Variants in GAS7 observed in about 807,000 individuals in gnomAD.
GAS7 encodes growth arrest-specific protein 7.
A neutral mutation model predicts 71.1 loss-of-function variants in GAS7; 28 were observed. The ratio of observed to expected loss-of-function variants is 0.39; its 90% CI spans 0.29 to 0.54. The LOEUF is 0.54. Among genes scored for constraint, GAS7 ranks in the 20% least tolerant of loss-of-function variants. GAS7 has a pLI of 0.62. For synonymous variants in GAS7, 258 were observed against 245.8 expected (o/e 1.05, Z -0.46); for missense variants, 436 against 627.8 (o/e 0.69, Z 3.27).
chr17:9,957,671 T>C (rs1264229780), intron 5 of GAS7, among the ~76,000 whole-genome samples: 2 of 150,984 alleles, frequency 1.3e-5, no homozygotes, highest in Admixed American at 1.3e-4. Context: ...TTGTGACAAT[T>C]TGAAGATGGG....
chr17:10,148,602 A>G (rs1448850636), intron 1 of GAS7, among the ~76,000 whole-genome samples: 1 of 143,952 alleles, frequency 6.9e-6, no homozygotes, highest in African/African-American at 2.6e-5. Context: ...TGGGCAACAG[A>G]GAAACACTCA....
intron 2 of GAS7, among the ~76,000 whole-genome samples, chr17:10,016,649 G>A (rs949038745): frequency 1.4e-5 from 2 of 147,074 alleles, no homozygotes; most frequent in Non-Finnish European, 3.0e-5. Flanking sequence ...CTGTTTTTAG[G>A]CATAGTGTAA....
chr17:10,175,596 TTTAG>T (rs3051291), intron 1 of GAS7, among the ~76,000 whole-genome samples: 47,167 of 151,392 alleles, frequency 0.31, 7,801 homozygotes, highest in East Asian at 0.49. Context: ...CCGCATTTTA[TTTAG>T]TTAGTTAGTT....
intron 2 of GAS7, among the ~76,000 whole-genome samples, chr17:9,986,888 G>C (rs2070670531): frequency 6.6e-6 from 1 of 152,164 alleles, no homozygotes; most frequent in Non-Finnish European, 1.5e-5. Context: ...TGCTGAGCCA[G>C]GCCAGGCCAG....
At chr17:9,960,588 C>A (rs1041732597) in intron 4 of GAS7, among the ~76,000 whole-genome samples, 1 of 152,170 alleles carries the variant, frequency 6.6e-6, no homozygotes, top group African/African-American at 2.4e-5. Flanking sequence ...AAGGAACCAC[C>A]GGCTTGGAGT....
chr17:9,957,320 T>C (rs560597429), intron 5 of GAS7, among the ~76,000 whole-genome samples: 1 of 152,272 alleles, frequency 6.6e-6, no homozygotes, highest in South Asian at 2.1e-4. Flanking sequence ...ATGATATGGC[T>C]CAGCAGGAAG....
intron 1 of GAS7, among the ~76,000 whole-genome samples, chr17:10,102,357 A>G (rs1433233188): frequency 6.6e-6 from 1 of 152,072 alleles, no homozygotes; most frequent in African/African-American, 2.4e-5. Flanking sequence ...AGAGTCTGGA[A>G]TTTTCAAGGA....
intron 1 of GAS7, among the ~76,000 whole-genome samples, chr17:10,024,807 C>T (rs1002649357): frequency 6.6e-6 from 1 of 152,194 alleles, no homozygotes; most frequent in East Asian, 1.9e-4. Flanking sequence ...TACACACACA[C>T]GCTATTTCAT....
rs1340388652 is a variant in GAS7, at chr17:9,969,782, G to T, written c.386-20C>A. ...CATTCACTGCAGGGACAGAGACACG[G>T]CTCAGATGCTGTGTGGGCCACAGAT... On this transcript the variant is annotated intron_variant, in intron 3 of 13. Transcript: ENST00000432992. The surrounding 1 kb of genome is among the most constrained non-coding windows in gnomAD (Gnocchi z 5.5). 17 of 1,525,432 alleles carry T rather than the reference G, an allele frequency of 1.1e-5. No individual in the cohort carries two copies. Among genetic ancestry groups the T allele is most frequent in the Non-Finnish European group, 1.5e-5 (16 of 1,099,346 alleles). The allele number at this position is 1,525,432 out of a possible 1,614,324, so 94.5% of individuals were successfully genotyped here. A position where few individuals can be genotyped will look rare whatever the true frequency, so the allele number is the denominator to read the frequency against.
At chr17:10,111,335 A>C (rs79953626) in intron 1 of GAS7, among the ~76,000 whole-genome samples, 150,561 of 150,588 alleles carry the variant, frequency 1, 75,267 homozygotes, top group Middle Eastern at 1. Flanking sequence ...AGATTGAGAC[A>C]ATGTTGGATA....
chr17:9,953,131 T>C (rs1189082911), intron 5 of GAS7, among the ~76,000 whole-genome samples: 1 of 149,648 alleles, frequency 6.7e-6, no homozygotes, highest in Non-Finnish European at 1.5e-5. Flanking sequence ...AAAGGAAACG[T>C]GGTACATATA....
chr17:10,089,998 C>T (rs372740034), intron 1 of GAS7, among the ~76,000 whole-genome samples: 2 of 152,070 alleles, frequency 1.3e-5, no homozygotes, highest in East Asian at 3.9e-4. Flanking sequence ...TGAAACCCTG[C>T]CTCTACTAAA....
chr17:9,948,962 A>G (rs1035569810), intron 5 of GAS7, among the ~76,000 whole-genome samples: 1 of 152,242 alleles, frequency 6.6e-6, no homozygotes, highest in Non-Finnish European at 1.5e-5. Context: ...AATGTCACAC[A>G]TTAAAAAATG....
rs73974349 is a variant in GAS7, at chr17:9,960,482, G to A, written c.472-1227C>T. On this transcript the variant is annotated intron_variant, in intron 4 of 13. Transcript: ENST00000432992. Reference sequence around the variant, plus strand: ...TGGGATTATAGGCATGAGCCACTGCGGCCAGTCTGGCCTTACTCTTCCTTG... The same window carrying A: ...TGGGATTATAGGCATGAGCCACTGCAGCCAGTCTGGCCTTACTCTTCCTTG... Among the ~76,000 whole-genome samples, 1,169 of 152,294 alleles carry A rather than the reference G, an allele frequency of 7.7e-3. 16 individuals are homozygous for A. The highest frequency in any genetic ancestry group is 0.026 in the African/African-American group (1,092 of 41,562).
At chr17:9,966,415 G>A (rs1039923488) in intron 4 of GAS7, among the ~76,000 whole-genome samples, 4 of 152,216 alleles carry the variant, frequency 2.6e-5, no homozygotes, top group South Asian at 2.1e-4. Context: ...TCTAGGTTTC[G>A]TCACTGTAAC....
intron 1 of GAS7, among the ~76,000 whole-genome samples, chr17:10,085,450 G>C (rs1290312896): frequency 1.3e-5 from 2 of 152,118 alleles, no homozygotes; most frequent in South Asian, 2.1e-4. Context: ...TTGGGAGGCC[G>C]AGGCGGGCGG....
intron 1 of GAS7, among the ~76,000 whole-genome samples, chr17:10,046,840 GGAAGGAAAGAAAAGAAAAGAA>G (rs2072975456): frequency 2.1e-5 from 2 of 94,670 alleles, no homozygotes; most frequent in African/African-American, 6.6e-5. Flanking sequence ...AAGGAAGGAA[GGAAGGAAAGAAAAGAAAAGAA>G]AAAAGAAAAG....
chr17:9,954,392 G>A (rs1232360914), intron 5 of GAS7, among the ~76,000 whole-genome samples: 1 of 152,014 alleles, frequency 6.6e-6, no homozygotes, highest in African/African-American at 2.4e-5. Context: ...TCTGGGGTGA[G>A]CACCCCCACT....
At chr17:9,918,170 ACAAAACG>A in intron 12 of GAS7, 71 bp from the exon 13 acceptor site, 1 of 1,047,692 alleles carries the variant, frequency 9.5e-7, no homozygotes. Context: ...CACCAAGACC[ACAAAACG>A]CAAGTCACTG....
Sources: allele counts gnomAD v4.1 joint callset (sites outside exome capture counted in the v4.1 genomes callset), GRCh38; gene constraint gnomAD v4.1.1; non-coding constraint Gnocchi (gnomAD v3.1); transcripts MANE v1.5; gene names NCBI Gene and HGNC (gene_info 2026-07-23, HGNC 2026-07-21).